BLOC1S5: variants seen among roughly 807,000 people sequenced by gnomAD.
The protein encoded by BLOC1S5 is biogenesis of lysosome-related organelles complex 1 subunit 5.
Under a neutral mutation model 24.3 loss-of-function variants are expected in BLOC1S5, and 27 were observed. That is an observed-to-expected ratio of 1.11 (90% CI 0.82 to 1.53). BLOC1S5 has a LOEUF of 1.53. Among genes scored for constraint, BLOC1S5 ranks in the 40% most tolerant of loss-of-function variants. The pLI is 0.00. For synonymous variants in BLOC1S5, 84 were observed against 74.5 expected (o/e 1.13, Z -0.66); for missense variants, 239 against 229.4 (o/e 1.04, Z -0.27).
intron 3 of BLOC1S5, among the ~76,000 whole-genome samples, chr6:8,030,609 C>T (rs917496730): frequency 1.3e-5 from 2 of 151,590 alleles, no homozygotes; most frequent in African/African-American, 2.4e-5. Context: ...CAGTGGCTCA[C>T]TCCTGTAATC....
intron 3 of BLOC1S5, among the ~76,000 whole-genome samples, chr6:8,034,970 C>CACAT (rs1015952443): frequency 1.7e-4 from 26 of 151,800 alleles, no homozygotes; most frequent in African/African-American, 6.3e-4. Flanking sequence ...CACACACACA[C>CACAT]ACATACACAT....
chr6:8,052,007 A>G (rs1200166144), intron 2 of BLOC1S5, among the ~76,000 whole-genome samples: 2 of 105,668 alleles, frequency 1.9e-5, no homozygotes, highest in Non-Finnish European at 3.6e-5. Flanking sequence ...GAGTCTTGCC[A>G]CCCAGGCTGG....
chr6:8,032,378 T>C (rs1763330065), intron 3 of BLOC1S5, among the ~76,000 whole-genome samples: 1 of 152,150 alleles, frequency 6.6e-6, no homozygotes, highest in East Asian at 1.9e-4. Context: ...TCAATAATTT[T>C]AGGGATATGC....
intron 2 of BLOC1S5, among the ~76,000 whole-genome samples, chr6:8,058,847 T>C (rs969733562): frequency 6.6e-6 from 1 of 152,202 alleles, no homozygotes; most frequent in African/African-American, 2.4e-5. Context: ...AGAAAATTAA[T>C]CACTTGTTAA....
At chr6:8,034,972 CAT>C (rs1289780127) in intron 3 of BLOC1S5, among the ~76,000 whole-genome samples, 1 of 151,652 alleles carries the variant, frequency 6.6e-6, no homozygotes, top group Non-Finnish European at 1.5e-5. Flanking sequence ...CACACACACA[CAT>C]ACACATATAC....
chr6:8,051,154 C>T (rs60791514), intron 2 of BLOC1S5, among the ~76,000 whole-genome samples: 30,953 of 149,622 alleles, frequency 0.21, 3,485 homozygotes, highest in African/African-American at 0.29. Flanking sequence ...CGCCACTGAA[C>T]TCCAGCCTGG....
Position 8,041,169 on chromosome 6 carries a change from G to T in BLOC1S5, c.295C>A (p.Arg99=), listed in dbSNP as rs369265282. Residue 99 remains arginine (R), a synonymous_variant, in exon 3 of 5, where the codon CGG becomes AGG. Coordinates refer to ENST00000397457, the MANE Select transcript of BLOC1S5 (RefSeq NM_201280.3). ...HTLPKCRDTM[R]DSLSQVLQRL... Reference sequence around the variant, plus strand: ...TGGAGAACCTGGCTGAGGCTGTCCCGCATTGTGTCTCTACATTTGGGAAGA... The same window carrying T: ...TGGAGAACCTGGCTGAGGCTGTCCCTCATTGTGTCTCTACATTTGGGAAGA... The T allele has an allele frequency of 6.2e-7, 1 of 1,608,658 alleles. No homozygotes were observed. The highest frequency in any genetic ancestry group is 1.7e-5 in the Admixed American group (1 of 59,204).
In BLOC1S5 at chr6:8,064,360, G is replaced by A. The variant is rs1305175334; in HGVS notation, c.17C>T (p.Thr6Ile). The change falls in exon 1 of 5, where the codon ACA (threonine) becomes ATA (isoleucine). Residue 6 changes from threonine to isoleucine, a missense_variant. Thr to Ile is a moderately conservative substitution (Grantham distance 89). Transcript: ENST00000397457. ...GGCCTCACAACCCACAGGGGTCTCT[G>A]TCCCTCCGCCACTCATCCCGACCAG... is the stretch of plus-strand genomic sequence containing the variant. MSGGG[T>I]ETPVGCEAAP... 1.9e-6 allele frequency: 3 copies of A among 1,610,874 alleles called. No individual in the cohort carries two copies. Among genetic ancestry groups the A allele is most frequent in the Non-Finnish European group, 2.5e-6 (3 of 1,179,742 alleles).
chr6:8,027,174 A>G, intron 3 of BLOC1S5: 1 of 313,226 alleles, frequency 3.2e-6, no homozygotes, highest in South Asian at 2.7e-5. Flanking sequence ...TCACCGCCAG[A>G]TGCATTTTCT....
chr6:8,023,639 T>C (rs1763001870), intron 4 of BLOC1S5, among the ~76,000 whole-genome samples: 1 of 152,104 alleles, frequency 6.6e-6, no homozygotes, highest in South Asian at 2.1e-4. Context: ...TTTTATCTCA[T>C]TACTACTCCC....
chr6:8,053,644 C>A (rs1764209121), intron 2 of BLOC1S5, among the ~76,000 whole-genome samples: 1 of 152,154 alleles, frequency 6.6e-6, no homozygotes, highest in Non-Finnish European at 1.5e-5. Flanking sequence ...TGCTTTATTG[C>A]AATATTCACG....
intron 4 of BLOC1S5, among the ~76,000 whole-genome samples, chr6:8,022,568 A>ATTTTTTTTTTTT (rs35289860): frequency 8.9e-5 from 11 of 123,962 alleles, no homozygotes; most frequent in East Asian, 3.0e-4. Context: ...TTCAAACTCT[A>ATTTTTTTTTTTT]TTTTTTTTTT....
intron 3 of BLOC1S5, among the ~76,000 whole-genome samples, chr6:8,036,472 T>G (rs1763492473): frequency 2.0e-5 from 3 of 152,016 alleles, no homozygotes; most frequent in African/African-American, 7.2e-5. Context: ...GTACAAACCA[T>G]GAGGGAACAG....
chr6:8,025,916 C>T (rs894349827), intron 4 of BLOC1S5, among the ~76,000 whole-genome samples: 2 of 152,152 alleles, frequency 1.3e-5, no homozygotes, highest in Non-Finnish European at 2.9e-5. Flanking sequence ...ACATATAATT[C>T]AAATAAGCAA....
chr6:8,021,108 G>A (rs1005887060), intron 4 of BLOC1S5, among the ~76,000 whole-genome samples: 7 of 152,164 alleles, frequency 4.6e-5, no homozygotes, highest in Admixed American at 1.3e-4. Flanking sequence ...CGGCATGGAC[G>A]AATCTCGATG....
At chr6:8,021,521 C>A (rs1394464696) in intron 4 of BLOC1S5, among the ~76,000 whole-genome samples, 1 of 152,070 alleles carries the variant, frequency 6.6e-6, no homozygotes, top group Non-Finnish European at 1.5e-5. Context: ...ATCCCTTGAA[C>A]CTGGGAGGCA....
intron 3 of BLOC1S5, among the ~76,000 whole-genome samples, chr6:8,037,260 T>C (rs920997433): frequency 4.6e-5 from 7 of 152,308 alleles, no homozygotes; most frequent in East Asian, 1.9e-4. Flanking sequence ...TTGGAACTAA[T>C]AAATGTATTC....
At chr6:8,027,100 C>T (rs1210816348) in intron 3 of BLOC1S5, 1 of 313,662 alleles carries the variant, frequency 3.2e-6, no homozygotes, top group East Asian at 8.2e-5. Context: ...TATCAACACT[C>T]TACCGCCTCT....
At chr6:8,045,783 G>A (rs561261616) in intron 2 of BLOC1S5, among the ~76,000 whole-genome samples, 10 of 152,236 alleles carry the variant, frequency 6.6e-5, no homozygotes, top group African/African-American at 2.4e-4. Flanking sequence ...TCTCTCATTT[G>A]GAACGGCTGT....
Sources: allele counts gnomAD v4.1 joint callset (sites outside exome capture counted in the v4.1 genomes callset), GRCh38; gene constraint gnomAD v4.1.1; transcripts MANE v1.5; gene names NCBI Gene and HGNC (gene_info 2026-07-23, HGNC 2026-07-21).